The following STK32A variants were observed in gnomAD, a reference collection of about 807,000 sequenced individuals.
The protein encoded by STK32A is serine/threonine-protein kinase 32A.
In STK32A, 41 loss-of-function variants were observed where a neutral mutation model predicts 53.2. That is an observed-to-expected ratio of 0.77 (90% CI 0.60 to 1.00). The LOEUF (loss-of-function observed/expected upper bound fraction) is 1.00, where lower values mean the gene tolerates loss of function less well. Ranked by LOEUF, STK32A falls within the 50% of genes least tolerant of loss-of-function variation. STK32A has a pLI of 0.00. For missense variants in STK32A, 458 were observed against 485.8 expected (o/e 0.94, Z 0.54); for synonymous variants, 166 against 162.8 (o/e 1.02, Z -0.15).
At chr5:147,277,886 C>T (rs1751841610) in intron 2 of STK32A, among the ~76,000 whole-genome samples, 1 of 152,122 alleles carries the variant, frequency 6.6e-6, no homozygotes, top group South Asian at 2.1e-4. Context: ...CTACAGACTC[C>T]ATAAAGGCAG....
At chr5:147,283,628 C>T in intron 4 of STK32A, among the ~76,000 whole-genome samples, 1 of 151,998 alleles carries the variant, frequency 6.6e-6, no homozygotes, top group East Asian at 1.9e-4. Flanking sequence ...ACTGACACCA[C>T]TGAAATACAA....
Position 147,351,056 on chromosome 5 carries a change from T to G in STK32A, c.473-9T>G, listed in dbSNP as rs1039555619. The G allele has an allele frequency of 6.2e-7, 1 of 1,613,208 alleles. No homozygotes were observed. Among genetic ancestry groups the G allele is most frequent in the Admixed American group, 1.7e-5 (1 of 59,990 alleles). ...CTTAACTTTCTGTGTGGTTCTTCTC[T>G]CTCTGCAGGGCACGTGCACATCACA... On this transcript the variant is annotated splice_polypyrimidine_tract_variant and intron_variant, in intron 6 of 12. Coordinates refer to ENST00000397936, the MANE Select transcript of STK32A (RefSeq NM_001112724.2).
chr5:147,353,899 C>T (rs1223300400), intron 7 of STK32A, among the ~76,000 whole-genome samples: 1 of 152,038 alleles, frequency 6.6e-6, no homozygotes, highest in East Asian at 1.9e-4. Flanking sequence ...ATTGTTTCAG[C>T]TAGATATGGT....
At chr5:147,343,071 G>C (rs1044374036) in intron 6 of STK32A, 28 bp downstream of exon 6, 1 of 1,611,738 alleles carries the variant, frequency 6.2e-7, no homozygotes, top group African/African-American at 1.3e-5. Flanking sequence ...TTGCAATCAA[G>C]TACATGACAT....
downstream of STK32A, among the ~76,000 whole-genome samples, chr5:147,389,531 T>G (rs1431985300): frequency 2.0e-5 from 3 of 152,036 alleles, no homozygotes; most frequent in Non-Finnish European, 4.4e-5. Context: ...TCTTCTGAGG[T>G]TACTAAGCAG....
At chr5:147,272,333 TCCCAAA>T (rs1366832504) in intron 2 of STK32A, among the ~76,000 whole-genome samples, 6 of 152,190 alleles carry the variant, frequency 3.9e-5, no homozygotes, top group African/African-American at 1.4e-4. Flanking sequence ...CGCCTCAGCC[TCCCAAA>T]GTGCTGGGAT....
At chr5:147,238,637 T>C (rs995050475) in intron 1 of STK32A, among the ~76,000 whole-genome samples, 1 of 152,206 alleles carries the variant, frequency 6.6e-6, no homozygotes, top group Non-Finnish European at 1.5e-5. Context: ...GTTAAATGTA[T>C]GCATATCATA....
At chr5:147,321,088 T>C (rs1276270535) in intron 4 of STK32A, among the ~76,000 whole-genome samples, 4 of 152,212 alleles carry the variant, frequency 2.6e-5, no homozygotes, top group African/African-American at 9.7e-5. Context: ...GGTGAACTTT[T>C]ATTAGTTATC....
chr5:147,271,278 A>C (rs13190114), intron 2 of STK32A, among the ~76,000 whole-genome samples: 1 of 151,872 alleles, frequency 6.6e-6, no homozygotes, highest in South Asian at 2.1e-4. Flanking sequence ...ATGGACACTT[A>C]TCACTTCCCC....
At chr5:147,279,164 CA>C (rs1751913699) in intron 3 of STK32A, 82 bp from the exon 4 acceptor site, 2 of 1,316,108 alleles carry the variant, frequency 1.5e-6, no homozygotes, top group Non-Finnish European at 1.0e-6. Context: ...CAAGCCACAG[CA>C]AAGAACATGT....
At chr5:147,290,770 C>T (rs552339035) in intron 4 of STK32A, among the ~76,000 whole-genome samples, 13 of 152,240 alleles carry the variant, frequency 8.5e-5, no homozygotes, top group African/African-American at 2.9e-4. Context: ...CCTTAAATAA[C>T]GAGATTCTGA....
intron 4 of STK32A, among the ~76,000 whole-genome samples, chr5:147,290,148 A>G (rs920856282): frequency 1.3e-5 from 2 of 152,190 alleles, no homozygotes; most frequent in Non-Finnish European, 2.9e-5. Context: ...CGGAGCCCTG[A>G]TATTAATCAA....
In STK32A at chr5:147,279,199, G is replaced by A. The variant is rs968604459; in HGVS notation, c.109-48G>A. On this transcript the variant is annotated intron_variant, in intron 3 of 12. Coordinates refer to ENST00000397936, the MANE Select transcript of STK32A (RefSeq NM_001112724.2). ...GTCTTGTTCTGTCTCTCATCACCAT[G>A]ATCCATTATCTCCCTAATCACTCTC... 3.9e-6 allele frequency: 6 copies of A among 1,551,666 alleles called. No individual in the cohort carries two copies. In the African/African-American group the frequency reaches 8.1e-5, roughly 21 times the overall value.
chr5:147,357,725 G>A (rs1413561447), intron 7 of STK32A, among the ~76,000 whole-genome samples: 1 of 151,882 alleles, frequency 6.6e-6, no homozygotes, highest in African/African-American at 2.4e-5. Context: ...TTCTGATTAT[G>A]GTTTCATTTT....
At chr5:147,316,859 G>GGAA (rs367769140) in intron 4 of STK32A, among the ~76,000 whole-genome samples, 3 of 61,322 alleles carry the variant, frequency 4.9e-5, no homozygotes, top group African/African-American at 2.0e-4. Context: ...TGTTTCTGGC[G>GGAA]AAAAAAAAAA....
chr5:147,312,832 T>C (rs1449914911), intron 4 of STK32A, among the ~76,000 whole-genome samples: 4 of 152,114 alleles, frequency 2.6e-5, no homozygotes, highest in Non-Finnish European at 4.4e-5. Context: ...CAAGCAAACA[T>C]TACATATACC....
At chr5:147,312,609 G>A (rs1753758624) in intron 4 of STK32A, among the ~76,000 whole-genome samples, 1 of 152,048 alleles carries the variant, frequency 6.6e-6, no homozygotes, top group Non-Finnish European at 1.5e-5. Flanking sequence ...TTTTTTCTTT[G>A]GAAAAGCTTT....
chr5:147,248,629 G>T (rs1245374925), intron 2 of STK32A, among the ~76,000 whole-genome samples: 2 of 152,156 alleles, frequency 1.3e-5, no homozygotes, highest in Non-Finnish European at 2.9e-5. Flanking sequence ...TTGTTTGAAA[G>T]AAATTGTCAA....
chr5:147,381,576 G>A (rs1281249614), intron 11 of STK32A, among the ~76,000 whole-genome samples: 1 of 151,764 alleles, frequency 6.6e-6, no homozygotes, highest in Non-Finnish European at 1.5e-5. Context: ...CCAAGAGGAG[G>A]AGGTTGCAGT....
Sources: allele counts gnomAD v4.1 joint callset (sites outside exome capture counted in the v4.1 genomes callset), GRCh38; gene constraint gnomAD v4.1.1; transcripts MANE v1.5; gene names NCBI Gene and HGNC (gene_info 2026-07-23, HGNC 2026-07-21).